Variants in IL12RB2 observed in about 807,000 individuals in gnomAD.
IL12RB2 encodes the protein interleukin 12 receptor subunit beta 2.
In IL12RB2, 82 loss-of-function variants were observed where a neutral mutation model predicts 89.4. The observed-to-expected ratio is 0.92, with a 90% confidence interval of 0.77 to 1.10. The LOEUF (loss-of-function observed/expected upper bound fraction) is 1.10. Ranked by LOEUF, IL12RB2 falls within the 50% of genes least tolerant of loss-of-function variation. IL12RB2 has a pLI of 0.00. For synonymous variants in IL12RB2, 368 were observed against 370.1 expected (o/e 0.99, Z 0.07); for missense variants, 963 against 1,031.9 (o/e 0.93, Z 0.92).
intron 3 of IL12RB2, 130 bp from the exon 4 acceptor site, chr1:67,321,472 A>C: frequency 1.4e-6 from 1 of 721,746 alleles, no homozygotes; most frequent in Non-Finnish European, 2.5e-6. Context: ...AACCAGAGAC[A>C]TGTAGGTTAA....
At chr1:67,394,237 C>A (rs1244197819) in intron 16 of IL12RB2, among the ~76,000 whole-genome samples, 1 of 152,180 alleles carries the variant, frequency 6.6e-6, no homozygotes, top group Non-Finnish European at 1.5e-5. Context: ...ATGCTGGAAT[C>A]TTGACTGTGC....
intron 10 of IL12RB2, among the ~76,000 whole-genome samples, chr1:67,357,017 G>A (rs1661472555): frequency 1.3e-5 from 2 of 152,078 alleles, no homozygotes; most frequent in South Asian, 4.2e-4. Context: ...AATGTTTAGG[G>A]GATTTTTATG....
chr1:67,351,120 G>A, intron 10 of IL12RB2, 31 bp downstream of exon 10: 1 of 1,608,230 alleles, frequency 6.2e-7, no homozygotes, highest in Non-Finnish European at 8.5e-7. Context: ...AACATTGCCT[G>A]TGGAAAACTG....
chr1:67,348,938 C>A (rs1407028402), intron 9 of IL12RB2, among the ~76,000 whole-genome samples: 1 of 152,168 alleles, frequency 6.6e-6, no homozygotes, highest in Non-Finnish European at 1.5e-5. Flanking sequence ...CCACTCCCAC[C>A]TTTTCATTGA....
intron 14 of IL12RB2, among the ~76,000 whole-genome samples, chr1:67,386,343 T>A (rs953044008): frequency 5.9e-5 from 9 of 152,232 alleles, no homozygotes; most frequent in Middle Eastern, 3.4e-3. Context: ...CTCCTTTCTT[T>A]CTGACCCTGT....
Position 67,329,704 on chromosome 1 carries a change from C to T in IL12RB2, c.782C>T (p.Pro261Leu). The change falls in exon 7 of 17, where the codon CCC (proline) becomes CTC (leucine). Residue 261 changes from proline (P) to leucine (L), a missense_variant. Coordinates refer to ENST00000674203, the MANE Select transcript of IL12RB2 (RefSeq NM_001374259.2). ...LVLLNRLRYR[P>L]SNSRLWNMVN... Reference sequence around the variant, plus strand: ...CTGCTTAATCGACTCAGATATCGGCCCAGTAACAGCAGGCTCTGGAATATG... The same window carrying T: ...CTGCTTAATCGACTCAGATATCGGCTCAGTAACAGCAGGCTCTGGAATATG... The T allele has an allele frequency of 6.2e-7, 1 of 1,607,312 alleles. No homozygotes were observed.
intron 10 of IL12RB2, among the ~76,000 whole-genome samples, chr1:67,360,795 C>CAA (rs112229362): frequency 7.7e-6 from 1 of 130,224 alleles, no homozygotes; most frequent in African/African-American, 2.7e-5. Context: ...AACTCCGTCT[C>CAA]AAAAAAAAAA....
In IL12RB2 at chr1:67,338,717, G is replaced by A. The variant is rs755427561; in HGVS notation, c.1038+14G>A. ...CTTTTCTGGAAGGTGAGTTTTAAGC[G>A]TCAACTTAAAACTCAAGGGAATAAA... On this transcript the variant is annotated intron_variant, in intron 9 of 16. Transcript: ENST00000674203. 30 of 1,308,430 alleles carry A rather than the reference G, an allele frequency of 2.3e-5. No homozygotes were observed. Among genetic ancestry groups the A allele is most frequent in the Middle Eastern group, 1.8e-4 (1 of 5,480 alleles). 81.1% of individuals were successfully genotyped at this position (1,308,430 alleles called of 1,614,324 possible).
rs1162528339 is a variant in IL12RB2 at position 67,396,957 on chromosome 1, C to A, written c.*868C>A. The stretch of plus-strand genomic sequence containing the variant: ...ACCATTCTGGCTAACATGGTGAAAC[C>A]CCATCTCTACTAAAAATATTTTTAA... On this transcript the variant is annotated 3_prime_UTR_variant, in exon 17 of 17. Transcript: ENST00000674203. 2 of 151,766 alleles carry A rather than the reference C, an allele frequency of 1.3e-5. No individual in the cohort carries two copies. Among genetic ancestry groups the A allele is most frequent in the South Asian group, 2.1e-4 (1 of 4,802 alleles). 9.4% of individuals were successfully genotyped at this position (151,766 alleles called of 1,614,324 possible). A position where few individuals can be genotyped will look rare whatever the true frequency, so the allele number is the denominator to read the frequency against.
Position 67,398,503 on chromosome 1 carries a change from A to G in IL12RB2, c.*2414A>G, listed in dbSNP as rs551475015. Reference sequence around the variant, plus strand: ...TACTGCAGTCCTCATTTGTCTTCCCAAAAAAAAAAAAGAATTTTTTTTTTT... The same window carrying G: ...TACTGCAGTCCTCATTTGTCTTCCCGAAAAAAAAAAAGAATTTTTTTTTTT... On this transcript the variant is annotated 3_prime_UTR_variant, in exon 17 of 17. Coordinates refer to ENST00000674203, the MANE Select transcript of IL12RB2 (RefSeq NM_001374259.2). Among the ~76,000 whole-genome samples the G allele has an allele frequency of 7.1e-5, 10 of 140,350 alleles. No individual in the cohort carries two copies. The South Asian group carries it at 2.3e-3, about 32-fold the overall frequency. 92.1% of individuals were successfully genotyped at this position (140,350 alleles called of 152,430 possible).
Position 67,380,135 on chromosome 1 carries a change from T to C in IL12RB2, c.1855+12T>C. ...ATTTTGTCTGCAAGGTGAGAGGCAG[T>C]GTTAAGGATGATGAGTCCACCCTGG... is the stretch of plus-strand genomic sequence containing the variant. On this transcript the variant is annotated intron_variant, in intron 14 of 16. Coordinates refer to ENST00000674203, the MANE Select transcript of IL12RB2 (RefSeq NM_001374259.2). The C allele has an allele frequency of 6.2e-7, 1 of 1,613,978 alleles. No homozygotes were observed. Among genetic ancestry groups the C allele is most frequent in the African/African-American group, 1.3e-5 (1 of 75,046 alleles).
At chr1:67,364,506 A>T (rs1240544027) in intron 10 of IL12RB2, among the ~76,000 whole-genome samples, 1 of 152,258 alleles carries the variant, frequency 6.6e-6, no homozygotes, top group Non-Finnish European at 1.5e-5. Context: ...TATTAATTTC[A>T]GACAGAACAG....
At chr1:67,388,480 G>C (rs946349370) in intron 15 of IL12RB2, among the ~76,000 whole-genome samples, 1 of 152,074 alleles carries the variant, frequency 6.6e-6, no homozygotes, top group Non-Finnish European at 1.5e-5. Flanking sequence ...TGAGTAGCTG[G>C]GACTACAGGT....
Position 67,363,217 on chromosome 1 carries a change from T to A in IL12RB2, c.1259-4608T>A, listed in dbSNP as rs1211940293. Among the ~76,000 whole-genome samples the A allele has an allele frequency of 3.3e-3, 437 of 131,938 alleles. 1 individual carries two copies. The highest frequency in any genetic ancestry group is 0.011 in the African/African-American group (384 of 35,092). The allele number at this position is 131,938 out of a possible 152,430, so 86.6% of individuals were successfully genotyped here. A position where few individuals can be genotyped will look rare whatever the true frequency, so the allele number is the denominator to read the frequency against. On this transcript the variant is annotated intron_variant, in intron 10 of 16. Coordinates refer to ENST00000674203, the MANE Select transcript of IL12RB2 (RefSeq NM_001374259.2). Reference sequence around the variant, plus strand: ...TGCCTGGCCAATTATTCTTATTTTTTTTTTTTTTTTTTTTTTGAGACAGAG... The same window carrying A: ...TGCCTGGCCAATTATTCTTATTTTTATTTTTTTTTTTTTTTTGAGACAGAG...
At chr1:67,339,518 AG>A (rs1659286942) in intron 9 of IL12RB2, among the ~76,000 whole-genome samples, 1 of 152,138 alleles carries the variant, frequency 6.6e-6, no homozygotes, top group African/African-American at 2.4e-5. Context: ...TCATACAAAC[AG>A]GAATAGAAAG....
Position 67,321,688 on chromosome 1 carries a change from C to G in IL12RB2, c.163C>G (p.Pro55Ala), listed in dbSNP as rs769373729. 1 of 1,604,692 alleles carries G rather than the reference C, an allele frequency of 6.2e-7. No homozygotes were observed. The highest frequency in any genetic ancestry group is 8.5e-7 in the Non-Finnish European group (1 of 1,171,450). The change falls in exon 4 of 17, where the codon CCC (proline) becomes GCC (alanine). Residue 55 changes from proline (P) to alanine (A), a missense_variant. By Grantham distance (27) the Pro-to-Ala change is conservative. Transcript: ENST00000674203. ...STVNITCSLK[P>A]RQGCFHYSRR... ...TGTCAATATTACATGCTCTTTGAAG[C>G]CCAGACAAGGCTGCTTTCACTATTC...
chr1:67,325,605 C>T (rs1657178129), intron 4 of IL12RB2, among the ~76,000 whole-genome samples: 1 of 152,212 alleles, frequency 6.6e-6, no homozygotes, highest in Non-Finnish European at 1.5e-5. Flanking sequence ...TCTATTAAAA[C>T]TATATGAGCT....
intron 10 of IL12RB2, among the ~76,000 whole-genome samples, chr1:67,360,671 C>T (rs1009203751): frequency 8.6e-5 from 13 of 151,828 alleles, no homozygotes; most frequent in Non-Finnish European, 1.9e-4. Context: ...TGGCACGTGC[C>T]TGTAATCCCA....
At chr1:67,350,042 GC>G (rs546845612) in intron 9 of IL12RB2, among the ~76,000 whole-genome samples, 1 of 152,152 alleles carries the variant, frequency 6.6e-6, no homozygotes, top group Non-Finnish European at 1.5e-5. Flanking sequence ...ACAGCCGGAG[GC>G]CCCCCACCCA....
Sources: gnomAD v4.1 joint callset for allele counts (sites outside exome capture counted in the v4.1 genomes callset) on GRCh38, gnomAD v4.1.1 for gene constraint, MANE v1.5 for transcripts, NCBI Gene and HGNC (gene_info 2026-07-23, HGNC 2026-07-21) for gene names.